The following VWA3B variants were observed in gnomAD, a reference collection of about 807,000 sequenced individuals.
VWA3B encodes von Willebrand factor A domain containing 3B.
Under a neutral mutation model 158.3 loss-of-function variants are expected in VWA3B, and 138 were observed. The ratio of observed to expected loss-of-function variants is 0.87; its 90% CI spans 0.76 to 1.00. The LOEUF (loss-of-function observed/expected upper bound fraction) is 1.00. Among genes scored for constraint, VWA3B ranks in the 50% least tolerant of loss-of-function variants. VWA3B has a pLI of 0.00. For missense variants in VWA3B, 1,555 were observed against 1,565.1 expected (o/e 0.99, Z 0.11); for synonymous variants, 596 against 587.3 (o/e 1.01, Z -0.21).
the VWA3B span, among the ~76,000 whole-genome samples, chr2:98,329,630 C>T: frequency 1.3e-5 from 2 of 152,034 alleles, no homozygotes; most frequent in Non-Finnish European, 2.9e-5. Context: ...CCTTATGTGT[C>T]AATTTAGCTA....
At chr2:98,181,341 A>AACCCTGTTCTTC in intron 9 of VWA3B, 129 bp downstream of exon 9, 1 of 996,852 alleles carries the variant, frequency 1.0e-6, no homozygotes, top group Non-Finnish European at 1.5e-6. Flanking sequence ...TTCTGTGAAG[A>AACCCTGTTCTTC]ACAGGGTTCC....
At position 98,146,785 on chromosome 2, in the gene VWA3B, C is replaced by T. The variant is rs1422873586; in HGVS notation, c.988+12846C>T. On this transcript the variant is annotated intron_variant, in intron 7 of 27. Transcript: ENST00000477737. ...TTTCTTTTCCACTCTCATTTACCCT[C>T]ATAATTTCTAGAAAAGGGAAACAGT... is the stretch of plus-strand genomic sequence containing the variant. 5.9e-5 allele frequency among the ~76,000 whole-genome samples: 9 copies of T among 152,294 alleles called. No individual in the cohort carries two copies. The East Asian group carries it at 1.7e-3, about 29-fold the overall frequency.
At position 98,282,802 on chromosome 2, in the gene VWA3B, G is replaced by A. The variant is rs534094332; in HGVS notation, c.3046-7709G>A. ...CTTGTCCTTTCCAGTGAACTTACAGGCGTATGAATGACTTGAAGGGGAGTG... is the reference window on the plus strand; with the variant it reads ...CTTGTCCTTTCCAGTGAACTTACAGACGTATGAATGACTTGAAGGGGAGTG... On this transcript the variant is annotated intron_variant, in intron 22 of 27. Coordinates refer to ENST00000477737, the MANE Select transcript of VWA3B (RefSeq NM_144992.5). 9.9e-5 allele frequency among the ~76,000 whole-genome samples: 15 copies of A among 152,258 alleles called. No homozygotes were observed. The East Asian group carries it at 2.9e-3, about 29-fold the overall frequency.
intron 2 of VWA3B, among the ~76,000 whole-genome samples, chr2:98,096,562 C>T (rs1055699544): frequency 6.6e-6 from 1 of 152,186 alleles, no homozygotes; most frequent in African/African-American, 2.4e-5. Context: ...AGCCACCATG[C>T]CCAGCCAGGA....
intron 13 of VWA3B, 68 bp downstream of exon 13, chr2:98,212,096 C>A: frequency 7.0e-7 from 1 of 1,434,218 alleles, no homozygotes; most frequent in South Asian, 1.2e-5. Flanking sequence ...GGAAATGGGT[C>A]TGGGGGACCT....
At position 98,311,881 on chromosome 2, in the gene VWA3B, A is replaced by G; in HGVS notation, c.3584A>G (p.Gln1195Arg). The change falls in exon 27 of 28, where the codon CAG becomes CGG. Residue 1195 changes from glutamine (Q) to arginine (R), a missense_variant. Coordinates refer to ENST00000477737, the MANE Select transcript of VWA3B (RefSeq NM_144992.5). Reference sequence around the variant, plus strand: ...TGGCCACTGAAAGAAGCGGACACGCAGGATTCCAGAGAGCCAAGACGAGAG... The same window carrying G: ...TGGCCACTGAAAGAAGCGGACACGCGGGATTCCAGAGAGCCAAGACGAGAG... Reference protein sequence around the residue: ...LFWPLKEADTQDSREPRREKP... With the variant: ...LFWPLKEADTRDSREPRREKP... The G allele has an allele frequency of 6.2e-7, 1 of 1,612,308 alleles. No individual in the cohort carries two copies.
At chr2:98,172,556 G>A (rs1679687059) in intron 8 of VWA3B, among the ~76,000 whole-genome samples, 1 of 152,132 alleles carries the variant, frequency 6.6e-6, no homozygotes, top group Admixed American at 6.5e-5. Flanking sequence ...TAGGTCCATG[G>A]GGGTGGAACC....
intron 13 of VWA3B, among the ~76,000 whole-genome samples, chr2:98,216,504 A>G (rs1574105805): frequency 6.6e-6 from 1 of 152,390 alleles, no homozygotes; most frequent in South Asian, 2.1e-4. Flanking sequence ...ATCAACCTGC[A>G]CATGCACAAA....
rs150747370 is a variant in VWA3B at position 98,279,738 on chromosome 2, G to A, written c.3045+8855G>A. On this transcript the variant is annotated intron_variant, in intron 22 of 27. Transcript: ENST00000477737. ...GCCCTAGAGAGAAAGAGCAGGGAGT[G>A]GGCAGGACACCAATACCCCGGCTTC... Among the ~76,000 whole-genome samples the A allele has an allele frequency of 3.3e-3, 495 of 152,282 alleles. 3 individuals carry two copies. The highest frequency in any genetic ancestry group is 0.011 in the African/African-American group (462 of 41,560).
intron 8 of VWA3B, among the ~76,000 whole-genome samples, chr2:98,163,406 C>G (rs1201243530): frequency 6.6e-6 from 1 of 152,072 alleles, no homozygotes; most frequent in East Asian, 1.9e-4. Context: ...GGTGTGGTGG[C>G]CCGTGCCTGT....
intron 1 of VWA3B, among the ~76,000 whole-genome samples, chr2:98,092,137 G>T (rs1177082592): frequency 6.6e-6 from 1 of 152,178 alleles, no homozygotes; most frequent in African/African-American, 2.4e-5. Flanking sequence ...CAGCTGGGCT[G>T]AGCTGTGGTC....
intron 7 of VWA3B, among the ~76,000 whole-genome samples, chr2:98,156,026 C>A (rs1426800108): frequency 6.6e-6 from 1 of 152,182 alleles, no homozygotes; most frequent in Non-Finnish European, 1.5e-5. Context: ...GGGGTTCCAC[C>A]CTCAGAATGA....
intron 26 of VWA3B, 44 bp downstream of exon 26, chr2:98,303,846 C>T (rs1489887607): frequency 1.9e-6 from 3 of 1,573,980 alleles, no homozygotes; most frequent in African/African-American, 1.4e-5. Context: ...AATTTATATC[C>T]TTGCACCTTT....
chr2:98,320,750 G>A, the VWA3B span, among the ~76,000 whole-genome samples: 1 of 152,358 alleles, frequency 6.6e-6, no homozygotes. Flanking sequence ...AAGCAGCAAA[G>A]CACTCAAGAG....
chr2:98,151,978 G>C (rs763558710), intron 7 of VWA3B, among the ~76,000 whole-genome samples: 2 of 152,218 alleles, frequency 1.3e-5, no homozygotes, highest in Non-Finnish European at 2.9e-5. Flanking sequence ...TAATGGTCAT[G>C]GTAGTAACCA....
chr2:98,183,123 A>G (rs1275613170), intron 9 of VWA3B, among the ~76,000 whole-genome samples: 1 of 151,288 alleles, frequency 6.6e-6, no homozygotes, highest in Non-Finnish European at 1.5e-5. Flanking sequence ...TTTTACCTCA[A>G]TTTTTTTGTG....
At chr2:98,127,456 G>A (rs2105006639) in intron 5 of VWA3B, among the ~76,000 whole-genome samples, 1 of 152,172 alleles carries the variant, frequency 6.6e-6, no homozygotes, top group Admixed American at 6.5e-5. Context: ...AGAGCAGGAG[G>A]GGCGGCCGCC....
rs145379099 is a variant in VWA3B, at chr2:98,217,235, C to T, written c.1837-611C>T. Reference sequence around the variant, plus strand: ...AAAGTTGAAGCAAACCTCTCACCACCGCAGACTGACTAACCGTACCCCTTT... The same window carrying T: ...AAAGTTGAAGCAAACCTCTCACCACTGCAGACTGACTAACCGTACCCCTTT... On this transcript the variant is annotated intron_variant, in intron 13 of 27. Coordinates refer to ENST00000477737, the MANE Select transcript of VWA3B (RefSeq NM_144992.5). Among the ~76,000 whole-genome samples, 342 of 152,326 alleles carry T rather than the reference C, an allele frequency of 2.2e-3. 2 individuals are homozygous for T. Among genetic ancestry groups the T allele is most frequent in the African/African-American group, 7.7e-3 (322 of 41,576 alleles).
chr2:98,243,972 T>C (rs898661485), intron 19 of VWA3B, among the ~76,000 whole-genome samples: 1 of 152,170 alleles, frequency 6.6e-6, no homozygotes, highest in African/African-American at 2.4e-5. Flanking sequence ...AGTTGGAGAA[T>C]TCAGTCAGAG....
Sources: allele counts gnomAD v4.1 joint callset (sites outside exome capture counted in the v4.1 genomes callset), GRCh38; gene constraint gnomAD v4.1.1; transcripts MANE v1.5; gene names NCBI Gene and HGNC (gene_info 2026-07-23, HGNC 2026-07-21).